PRKCH: variants seen among roughly 807,000 people sequenced by gnomAD.
PRKCH encodes the protein protein kinase C eta, also known as protein kinase C eta type.
Under a neutral mutation model 82.5 loss-of-function variants are expected in PRKCH, and 28 were observed. The observed-to-expected ratio is 0.34, with a 90% CI of 0.25 to 0.47. The LOEUF is 0.47. PRKCH is among the 20% of genes least tolerant of loss of function. PRKCH has a pLI of 1.00. For synonymous variants in PRKCH, 322 were observed against 327.4 expected, an observed-to-expected ratio of 0.98 and a Z score of 0.18; for missense variants, 705 against 881.8, an observed-to-expected ratio of 0.80 and a Z score of 2.54.
At chr14:61,231,719 A>AT (rs1370862639) in intron 1 of PRKCH, among the ~76,000 whole-genome samples, 1 of 151,904 alleles carries the variant, frequency 6.6e-6, no homozygotes, top group East Asian at 1.9e-4. Context: ...TGTGAAAAAT[A>AT]TTTTTTTCTA....
intron 1 of PRKCH, among the ~76,000 whole-genome samples, chr14:61,295,862 C>T (rs914226819): frequency 5.9e-5 from 9 of 152,038 alleles, no homozygotes; most frequent in Non-Finnish European, 1.3e-4. Context: ...TATATTTTCA[C>T]CCTTTTTTTT....
chr14:61,358,545 T>C (rs901202541), intron 1 of PRKCH, among the ~76,000 whole-genome samples: 1 of 152,194 alleles, frequency 6.6e-6, no homozygotes, highest in South Asian at 2.1e-4. Context: ...CTTTCCAAGA[T>C]GAAGCCACAG....
intron 1 of PRKCH, among the ~76,000 whole-genome samples, chr14:61,242,785 T>C (rs1253182569): frequency 3.9e-5 from 6 of 152,182 alleles, no homozygotes; most frequent in Admixed American, 6.5e-5. Flanking sequence ...TATTTTATAA[T>C]TGTAATTTAT....
At chr14:61,389,740 A>G (rs1242532475) in intron 1 of PRKCH, among the ~76,000 whole-genome samples, 1 of 151,954 alleles carries the variant, frequency 6.6e-6, no homozygotes, top group African/African-American at 2.4e-5. Context: ...TAATGATGCC[A>G]TAGACTTTTC....
chr14:61,485,626 T>C lies in PRKCH; in HGVS notation c.1403T>C (p.Met468Thr), dbSNP rs762085785. ...GCTGCAGAAATCATTTCGGCTCTCA[T>C]GTTCCTCCATGATAAAGGAATCATC... is the stretch of plus-strand genomic sequence containing the variant. ...FYAAEIISAL[M>T]FLHDKGIIYR... The change falls in exon 10 of 14, where the codon ATG (methionine) becomes ACG (threonine). Residue 468 changes from methionine (M) to threonine (T), a missense_variant. Coordinates refer to ENST00000332981, the MANE Select transcript of PRKCH (RefSeq NM_006255.5). The C allele has an allele frequency of 3.1e-6, 5 of 1,614,184 alleles. No individual in the cohort carries two copies. The East Asian group carries it at 8.9e-5, about 29-fold the overall frequency.
At chr14:61,470,821 G>C (rs1885468832) in intron 9 of PRKCH, among the ~76,000 whole-genome samples, 1 of 151,932 alleles carries the variant, frequency 6.6e-6, no homozygotes, top group African/African-American at 2.4e-5. Context: ...CAAAACAAAA[G>C]AGGAGATCCC....
upstream of PRKCH, among the ~76,000 whole-genome samples, chr14:61,318,365 G>GTTTTTTT (rs77878429): frequency 3.2e-5 from 4 of 126,328 alleles, no homozygotes; most frequent in Non-Finnish European, 4.9e-5. Context: ...GTTTTAAAAA[G>GTTTTTTT]TTTTTTTTTT....
chr14:61,365,434 G>A (rs2046286464), intron 1 of PRKCH, among the ~76,000 whole-genome samples: 1 of 152,018 alleles, frequency 6.6e-6, no homozygotes, highest in Admixed American at 6.6e-5. Flanking sequence ...TAGTGGCTCT[G>A]GGTAATCTAT....
rs116352689 is a variant in PRKCH at position 61,217,952 on chromosome 14, G to T, written c.-19+30284G>T. 5.5e-3 allele frequency among the ~76,000 whole-genome samples: 842 copies of T among 152,236 alleles called. 2 individuals carry two copies. Among genetic ancestry groups the T allele is most frequent in the African/African-American group, 0.019 (801 of 41,528 alleles). On this transcript the variant is annotated intron_variant, in intron 1 of 3. Coordinates refer to the PRKCH transcript ENST00000555185. ...AGGGCCTGTCTTGGAACCATATGAA[G>T]ATTGAGTTTTGATTTTATCTTCTGT...
intron 1 of PRKCH, among the ~76,000 whole-genome samples, chr14:61,195,193 T>C (rs1032502251): frequency 6.7e-6 from 1 of 150,142 alleles, no homozygotes; most frequent in African/African-American, 2.4e-5. Context: ...ATAGATATCC[T>C]ATCAACACAT....
chr14:61,373,085 C>G (rs536723906), intron 1 of PRKCH, among the ~76,000 whole-genome samples: 1 of 152,114 alleles, frequency 6.6e-6, no homozygotes, highest in East Asian at 1.9e-4. Flanking sequence ...TGCTCTCAGG[C>G]TGTCACCGGG....
intron 1 of PRKCH, among the ~76,000 whole-genome samples, chr14:61,310,453 G>T (rs976974850): frequency 2.0e-5 from 3 of 152,204 alleles, no homozygotes; most frequent in African/African-American, 7.2e-5. Flanking sequence ...AAATCTTAAA[G>T]CTCCAAAATG....
At chr14:61,313,605 C>T (rs898729026) in intron 1 of PRKCH, among the ~76,000 whole-genome samples, 2 of 151,988 alleles carry the variant, frequency 1.3e-5, no homozygotes, top group Non-Finnish European at 2.9e-5. Context: ...AAGACATACC[C>T]GAGACTGGGC....
At chr14:61,348,580 A>G (rs2046027965) in intron 1 of PRKCH, among the ~76,000 whole-genome samples, 1 of 152,172 alleles carries the variant, frequency 6.6e-6, no homozygotes, top group Non-Finnish European at 1.5e-5. Context: ...TTGCATTCTT[A>G]ATTTTAGTTA....
At chr14:61,263,740 C>T (rs994794959) in intron 1 of PRKCH, among the ~76,000 whole-genome samples, 9 of 151,788 alleles carry the variant, frequency 5.9e-5, no homozygotes, top group Admixed American at 2.0e-4. Context: ...TGTTATACCC[C>T]GATAGAGAAA....
At position 61,280,700 on chromosome 14, in the gene PRKCH, A is replaced by G. The variant is rs1372771053; in HGVS notation, c.-19+93032A>G. On this transcript the variant is annotated intron_variant, in intron 1 of 3. Transcript: ENST00000555185. The surrounding 1 kb of genome is among the most constrained non-coding windows in gnomAD (Gnocchi z 5.0). ...GGCAGGCCGGCCGCGCTGCGCTGGTAGGGGGCGCACTCGTTGACAGGGTGG... is the reference window on the plus strand; with the variant it reads ...GGCAGGCCGGCCGCGCTGCGCTGGTGGGGGGCGCACTCGTTGACAGGGTGG... The G allele has an allele frequency of 6.3e-7, 1 of 1,579,036 alleles. No individual in the cohort carries two copies. Among genetic ancestry groups the G allele is most frequent in the African/African-American group, 1.3e-5 (1 of 74,308 alleles).
intron 1 of PRKCH, chr14:61,277,887 A>G (rs545976453): frequency 6.6e-6 from 1 of 152,228 alleles, no homozygotes; most frequent in Admixed American, 6.5e-5. Context: ...TCTTGCTGCA[A>G]TGTAAATCTG....
chr14:61,424,107 A>G (rs4899043), intron 2 of PRKCH, among the ~76,000 whole-genome samples: 84,419 of 152,122 alleles, frequency 0.55, 26,155 homozygotes, highest in Non-Finnish European at 0.7. Flanking sequence ...TGCCATGATT[A>G]TAAGTTTCCT....
At chr14:61,420,553 G>A (rs1340705741) in intron 2 of PRKCH, among the ~76,000 whole-genome samples, 1 of 152,216 alleles carries the variant, frequency 6.6e-6, no homozygotes, top group Non-Finnish European at 1.5e-5. Context: ...CAGCTCAAGT[G>A]CAGTGTGAAT....
Sources: gnomAD v4.1 joint callset for allele counts (sites outside exome capture counted in the v4.1 genomes callset) on GRCh38, gnomAD v4.1.1 for gene constraint, Gnocchi (gnomAD v3.1) non-coding constraint, MANE v1.5 for transcripts, NCBI Gene and HGNC (gene_info 2026-07-23, HGNC 2026-07-21) for gene names.